Variants in ONECUT1 observed in about 807,000 individuals in gnomAD.
The protein encoded by ONECUT1 is one cut homeobox 1.
A neutral mutation model predicts 25.6 loss-of-function variants in ONECUT1; 12 were observed. The observed-to-expected ratio is 0.47, with a 90% confidence interval of 0.30 to 0.76. ONECUT1 has a LOEUF of 0.76. Ranked by LOEUF, ONECUT1 falls within the 30% of genes least tolerant of loss-of-function variation. ONECUT1 has a pLI of 0.07. For missense variants in ONECUT1, 620 were observed against 651.2 expected, an observed-to-expected ratio of 0.95 and a Z score of 0.52; for synonymous variants, 285 against 270.2, an observed-to-expected ratio of 1.05 and a Z score of -0.54.
intron 1 of ONECUT1, among the ~76,000 whole-genome samples, chr15:52,770,339 T>C (rs924978197): frequency 6.6e-6 from 1 of 152,256 alleles, no homozygotes; most frequent in East Asian, 1.9e-4. Flanking sequence ...GTGATTCTAA[T>C]ACTTAGCCAA....
At chr15:52,778,254 C>T (rs2141458707) in intron 1 of ONECUT1, among the ~76,000 whole-genome samples, 1 of 152,252 alleles carries the variant, frequency 6.6e-6, no homozygotes, top group South Asian at 2.1e-4. Flanking sequence ...CTGCCTTCCC[C>T]TATCCTCTAA....
Position 52,777,729 on chromosome 15 carries a change from C to CAAAAAA in ONECUT1, c.1105+11050_1105+11051insTTTTTT, listed in dbSNP as rs1309303644. 1.5e-4 allele frequency among the ~76,000 whole-genome samples: 13 copies of CAAAAAA among 87,382 alleles called. 1 individual carries two copies. Among genetic ancestry groups the CAAAAAA allele is most frequent in the African/African-American group, 9.9e-4 (12 of 12,074 alleles). The allele number at this position is 87,382 out of a possible 152,430, so 57.3% of individuals were successfully genotyped here. A position where few individuals can be genotyped will look rare whatever the true frequency, so the allele number is the denominator to read the frequency against. ...ACACACACACACACACACACACACA[C>CAAAAAA]ACACACACAAAAAAACATGTAAAGT... On this transcript the variant is annotated intron_variant, in intron 1 of 1. Transcript: ENST00000305901.
intron 1 of ONECUT1, among the ~76,000 whole-genome samples, chr15:52,785,023 G>A (rs993578498): frequency 2.0e-5 from 3 of 152,226 alleles, no homozygotes; most frequent in African/African-American, 4.8e-5. Context: ...AAACCGCTGC[G>A]CTTGACTCCT....
Position 52,789,911 on chromosome 15 carries a change from C to A in ONECUT1, c.-27G>T. The A allele has an allele frequency of 1.3e-6, 2 of 1,506,192 alleles. No homozygotes were observed. Among genetic ancestry groups the A allele is most frequent in the Non-Finnish European group, 1.8e-6 (2 of 1,140,374 alleles). The allele number at this position is 1,506,192 out of a possible 1,614,324, so 93.3% of individuals were successfully genotyped here. ...GTGATCCGGGCGAGCAGGCGGCGGA[C>A]ACAACATCGATGTGGCCAGGCAGAG... is the stretch of plus-strand genomic sequence containing the variant. On this transcript the variant is annotated 5_prime_UTR_variant, in exon 1 of 2. Coordinates refer to ENST00000305901, the MANE Select transcript of ONECUT1 (RefSeq NM_004498.4). This position sits in a 1 kb window ranked among gnomAD's most constrained non-coding sequence, Gnocchi z 4.1.
Position 52,789,567 on chromosome 15 carries a change from C to G in ONECUT1, c.318G>C (p.Leu106Phe). 1 of 1,589,680 alleles carries G rather than the reference C, an allele frequency of 6.3e-7. No individual in the cohort carries two copies. Among genetic ancestry groups the G allele is most frequent in the South Asian group, 1.2e-5 (1 of 86,750 alleles). Residue 106 changes from leucine to phenylalanine, a missense_variant, in exon 1 of 2, where the codon TTG (leucine) becomes TTC (phenylalanine). Leu to Phe is a conservative substitution (Grantham distance 22, BLOSUM62 0). Coordinates refer to ENST00000305901, the MANE Select transcript of ONECUT1 (RefSeq NM_004498.4). This position sits in a 1 kb window ranked among gnomAD's most constrained non-coding sequence, Gnocchi z 4.1. ...GMSMPTTYTT[L>F]TPLQPLPPIS... is the part of the protein sequence containing the mutation. ...TGGGAGGCAGCGGCTGCAGAGGGGT[C>G]AAGGTGGTGTAGGTGGTGGGCATGC...
In ONECUT1 at chr15:52,789,870, C is replaced by T; in HGVS notation, c.15G>A (p.Leu5=). 1 of 1,542,200 alleles carries T rather than the reference C, an allele frequency of 6.5e-7. No individual in the cohort carries two copies. Among genetic ancestry groups the T allele is most frequent in the Non-Finnish European group, 8.7e-7 (1 of 1,154,558 alleles). ...GCAGCTCGCCGATCGCTTCCATGGT[C>T]AGCTGCGCGTTCATCGTGATCCGGG... is the stretch of plus-strand genomic sequence containing the variant. MNAQ[L]TMEAIGELHG... The change falls in exon 1 of 2, where the codon CTG becomes CTA. Residue 5 remains leucine (L), a synonymous_variant. Transcript: ENST00000305901. The surrounding 1 kb of genome is among the most constrained non-coding windows in gnomAD (Gnocchi z 4.1).
chr15:52,763,406 TG>T, intron 1 of ONECUT1, among the ~76,000 whole-genome samples: 1 of 149,312 alleles, frequency 6.7e-6, no homozygotes, highest in East Asian at 2.0e-4. Context: ...AGCATGAGGG[TG>T]TGGGCAAAGG....
chr15:52,766,384 G>A lies in ONECUT1; in HGVS notation c.1106-8537C>T, dbSNP rs2083734866. Among the ~76,000 whole-genome samples, 4 of 152,158 alleles carry A rather than the reference G, an allele frequency of 2.6e-5. No homozygotes were observed. In the South Asian group the frequency reaches 6.2e-4, roughly 24 times the overall value. On this transcript the variant is annotated intron_variant, in intron 1 of 1. Transcript: ENST00000305901. Reference sequence around the variant, plus strand: ...GAAACATCATGGAAACTTTCCCCAGGATGGTGAAATGGGGGCAAGAGCTGA... The same window carrying A: ...GAAACATCATGGAAACTTTCCCCAGAATGGTGAAATGGGGGCAAGAGCTGA...
chr15:52,757,207 G>A lies in ONECUT1; in HGVS notation c.*348C>T, dbSNP rs960982709. On this transcript the variant is annotated 3_prime_UTR_variant, in exon 2 of 2. Coordinates refer to ENST00000305901, the MANE Select transcript of ONECUT1 (RefSeq NM_004498.4). ...CTTCGTGGCATGGTAGAACAGATGA[G>A]AAAGTTCGATCTTAAAAGATGTCCG... 1 of 246,634 alleles carries A rather than the reference G, an allele frequency of 4.1e-6. No individual in the cohort carries two copies. The highest frequency in any genetic ancestry group is 2.3e-5 in the African/African-American group (1 of 43,346). The allele number at this position is 246,634 out of a possible 1,614,324, so 15.3% of individuals were successfully genotyped here.
chr15:52,757,346 T>C lies in ONECUT1; in HGVS notation c.*209A>G. 1.8e-6 allele frequency: 1 copy of C among 553,500 alleles called. No individual in the cohort carries two copies. The highest frequency in any genetic ancestry group is 3.1e-6 in the Non-Finnish European group (1 of 320,822). The allele number at this position is 553,500 out of a possible 1,614,324, so 34.3% of individuals were successfully genotyped here. A position where few individuals can be genotyped will look rare whatever the true frequency, so the allele number is the denominator to read the frequency against. On this transcript the variant is annotated 3_prime_UTR_variant, in exon 2 of 2. Transcript: ENST00000305901. The stretch of plus-strand genomic sequence containing the variant: ...GTGTTTTCCTGCTCATCATTTGTCT[T>C]GCCAAGTCGCCGCCCTGCTGAAGTG...
At chr15:52,774,929 T>C (rs2083790106) in intron 1 of ONECUT1, among the ~76,000 whole-genome samples, 1 of 152,168 alleles carries the variant, frequency 6.6e-6, no homozygotes, top group Non-Finnish European at 1.5e-5. Context: ...TGAATTGTCT[T>C]TCATAAAAGA....
At chr15:52,769,753 G>T (rs142626737) in intron 1 of ONECUT1, among the ~76,000 whole-genome samples, 291 of 152,308 alleles carry the variant, frequency 1.9e-3, no homozygotes, top group Non-Finnish European at 3.4e-3. Flanking sequence ...ACCAAGGTTA[G>T]GTGCCCAGGA....
chr15:52,776,123 C>T (rs2083798360), intron 1 of ONECUT1, among the ~76,000 whole-genome samples: 1 of 152,194 alleles, frequency 6.6e-6, no homozygotes, highest in South Asian at 2.1e-4. Context: ...TCATTAGCAT[C>T]GTGCTCACAT....
chr15:52,779,870 A>G (rs2083829174), intron 1 of ONECUT1, among the ~76,000 whole-genome samples: 2 of 152,222 alleles, frequency 1.3e-5, no homozygotes, highest in Admixed American at 6.5e-5. Context: ...GAGTATGCAT[A>G]ATAACCGAGT....
At position 52,788,838 on chromosome 15, in the gene ONECUT1, C is replaced by A; in HGVS notation, c.1047G>T (p.Arg349Ser). 1.2e-6 allele frequency: 2 copies of A among 1,614,082 alleles called. No homozygotes were observed. Among genetic ancestry groups the A allele is most frequent in the Non-Finnish European group, 8.5e-7 (1 of 1,179,960 alleles). The change falls in exon 1 of 2, where the codon AGG (arginine) becomes AGT (serine). Residue 349 changes from arginine (R) to serine (S), a missense_variant. This residue lies in a region of ONECUT1 where 146 missense variants were observed against 201.8 expected (regional missense o/e 0.72). Transcript: ENST00000305901. The surrounding 1 kb of genome is among the most constrained non-coding windows in gnomAD (Gnocchi z 4.3). ...CCGGCTCCTGCAGCCACTTCCACATCCTCCGGAAGGTCTCCCGGCCGGATT... is the reference window on the plus strand; with the variant it reads ...CCGGCTCCTGCAGCCACTTCCACATACTCCGGAAGGTCTCCCGGCCGGATT... Reference protein sequence around the residue: ...KLKSGRETFRRMWKWLQEPEF... With the variant: ...KLKSGRETFRSMWKWLQEPEF...
chr15:52,779,743 G>A (rs1330836252), intron 1 of ONECUT1, among the ~76,000 whole-genome samples: 2 of 152,286 alleles, frequency 1.3e-5, no homozygotes, highest in African/African-American at 2.4e-5. Context: ...CTCTGGGAAC[G>A]ATCTATGGAG....
At chr15:52,762,000 A>C (rs971938068) in intron 1 of ONECUT1, among the ~76,000 whole-genome samples, 3 of 152,152 alleles carry the variant, frequency 2.0e-5, no homozygotes, top group Admixed American at 2.0e-4. Context: ...TTCAGGGGAG[A>C]GATCTGGGCT....
In ONECUT1 at chr15:52,788,735, T is replaced by A. The variant is rs2083893442; in HGVS notation, c.1105+45A>T. 2 of 1,564,608 alleles carry A rather than the reference T, an allele frequency of 1.3e-6. No homozygotes were observed. Among genetic ancestry groups the A allele is most frequent in the African/African-American group, 2.7e-5 (2 of 74,250 alleles). On this transcript the variant is annotated intron_variant, in intron 1 of 1. Transcript: ENST00000305901. This position sits in a 1 kb window ranked among gnomAD's most constrained non-coding sequence, Gnocchi z 4.3. ...CTTCCTCCTTTGGTCCCTTCGGCTT[T>A]CGTGTACCTTATCTCCCGCGCGCCC...
rs1033561673 is a variant in ONECUT1 at position 52,755,420 on chromosome 15, CTGGAG to C, written c.*2130_*2134del. ...CATATTTAGAAGGGAAATTTTTAAGCTGGAGTTGTGGGTGAAATTAAAAACAAAAA... is the reference window on the plus strand; with the variant it reads ...CATATTTAGAAGGGAAATTTTTAAGCTTGTGGGTGAAATTAAAAACAAAAA... On this transcript the variant is annotated 3_prime_UTR_variant, in exon 2 of 2. Transcript: ENST00000305901. Among the ~76,000 whole-genome samples the C allele has an allele frequency of 6.6e-6, 1 of 152,144 alleles. No homozygotes were observed. Among genetic ancestry groups the C allele is most frequent in the Non-Finnish European group, 1.5e-5 (1 of 68,020 alleles).
Sources: gnomAD v4.1 joint callset for allele counts (sites outside exome capture counted in the v4.1 genomes callset) on GRCh38, gnomAD v4.1.1 for gene constraint, gnomAD v4.1.1 regional missense constraint, Gnocchi (gnomAD v3.1) non-coding constraint, MANE v1.5 for transcripts, NCBI Gene and HGNC (gene_info 2026-07-23, HGNC 2026-07-21) for gene names.